AGBL1: variants seen among roughly 807,000 people sequenced by gnomAD.
The protein encoded by AGBL1 is cytosolic carboxypeptidase 4.
A neutral mutation model predicts 118.9 loss-of-function variants in AGBL1; 130 were observed. That is an observed-to-expected ratio of 1.09 (90% CI 0.95 to 1.26). The LOEUF (loss-of-function observed/expected upper bound fraction) is 1.26, where lower values mean the gene tolerates loss of function less well. Ranked by LOEUF, AGBL1 falls within the 50% of genes most tolerant of loss-of-function variation. The probability of loss-of-function intolerance (pLI) is 0.00; values close to 1 mark genes in which losing one functional copy is unlikely to be tolerated. For synonymous variants in AGBL1, 555 were observed against 478.9 expected, an observed-to-expected ratio of 1.16 and a Z score of -2.08; for missense variants, 1,584 against 1,298.1, an observed-to-expected ratio of 1.22 and a Z score of -3.38.
At chr15:86,956,217 T>TTAGATAGATAGATAGATAGA (rs57241299) in intron 23 of AGBL1, among the ~76,000 whole-genome samples, 1 of 147,594 alleles carries the variant, frequency 6.8e-6, no homozygotes, top group Admixed American at 6.8e-5. Context: ...AGATGATTGA[T>TTAGATAGATAGATAGATAGA]TAGATAGATA....
intron 21 of AGBL1, among the ~76,000 whole-genome samples, chr15:86,582,671 C>T (rs2084186700): frequency 6.6e-6 from 1 of 152,128 alleles, no homozygotes; most frequent in Non-Finnish European, 1.5e-5. Flanking sequence ...CCATGGAATA[C>T]TATGCAGCCA....
chr15:86,163,208 G>A (rs1007417526), intron 5 of AGBL1, among the ~76,000 whole-genome samples: 2 of 152,196 alleles, frequency 1.3e-5, no homozygotes, highest in East Asian at 1.9e-4. Context: ...AGGCAAAGGC[G>A]GGAGGACCGC....
At chr15:86,846,411 T>C (rs903021672) in intron 22 of AGBL1, among the ~76,000 whole-genome samples, 1 of 152,234 alleles carries the variant, frequency 6.6e-6, no homozygotes, top group Non-Finnish European at 1.5e-5. Flanking sequence ...TAAGGAGAAA[T>C]TCTACTTGTG....
chr15:86,998,815 C>G (rs117896671), intron 24 of AGBL1, among the ~76,000 whole-genome samples: 5,199 of 152,104 alleles, frequency 0.034, 126 homozygotes, highest in Middle Eastern at 0.068. Context: ...TCAACCTGCC[C>G]AAGGTGACAT....
chr15:86,256,408 A>C (rs181056951), intron 7 of AGBL1, among the ~76,000 whole-genome samples: 2 of 152,346 alleles, frequency 1.3e-5, no homozygotes, highest in East Asian at 1.9e-4. Context: ...CACAGAAGAC[A>C]GCTGAAAGAG....
At chr15:86,100,054 G>A (rs1896620661) in intron 1 of AGBL1, among the ~76,000 whole-genome samples, 1 of 151,658 alleles carries the variant, frequency 6.6e-6, no homozygotes, top group Non-Finnish European at 1.5e-5. Context: ...AAGGAATGTT[G>A]AATTTTATCA....
chr15:86,382,049 T>C (rs1351004499), intron 17 of AGBL1, among the ~76,000 whole-genome samples: 1 of 152,152 alleles, frequency 6.6e-6, no homozygotes, highest in Non-Finnish European at 1.5e-5. Flanking sequence ...ACCTCTGTGA[T>C]GTAGATGTCT....
At chr15:86,357,230 A>C (rs1337697572) in intron 17 of AGBL1, among the ~76,000 whole-genome samples, 2 of 152,360 alleles carry the variant, frequency 1.3e-5, no homozygotes, top group East Asian at 3.9e-4. Flanking sequence ...ACAGGAAAAC[A>C]GATTTCAACC....
intron 21 of AGBL1, among the ~76,000 whole-genome samples, chr15:86,640,948 A>C (rs957884928): frequency 3.1e-5 from 4 of 129,374 alleles, no homozygotes; most frequent in Non-Finnish European, 6.5e-5. Context: ...TTTTGTTTTT[A>C]TTTTTTAATT....
At position 86,841,475 on chromosome 15, in the gene AGBL1, T is replaced by C. The variant is rs146312085; in HGVS notation, c.3159-65612T>C. 1.9e-3 allele frequency among the ~76,000 whole-genome samples: 287 copies of C among 152,324 alleles called. 1 individual carries two copies. The highest frequency in any genetic ancestry group is 2.8e-3 in the Non-Finnish European group (188 of 68,012). On this transcript the variant is annotated intron_variant, in intron 22 of 22. Transcript: ENST00000614907. ...AGACCTATGAATGTTTTTTAATTTA[T>C]TTTTTAATTTACTTTTAATCAATCT...
chr15:86,505,418 T>C (rs1032818045), intron 18 of AGBL1, among the ~76,000 whole-genome samples: 5 of 151,904 alleles, frequency 3.3e-5, no homozygotes, highest in Non-Finnish European at 7.4e-5. Flanking sequence ...GTTGGTATGC[T>C]TGATGGTGTC....
intron 21 of AGBL1, among the ~76,000 whole-genome samples, chr15:86,567,801 A>C (rs891656069): frequency 6.6e-6 from 1 of 151,946 alleles, no homozygotes; most frequent in Non-Finnish European, 1.5e-5. Flanking sequence ...GAAAGTCTGA[A>C]CTCTGTGTCC....
At chr15:86,101,887 G>C (rs1896744465) in intron 1 of AGBL1, among the ~76,000 whole-genome samples, 1 of 152,092 alleles carries the variant, frequency 6.6e-6, no homozygotes, top group Admixed American at 6.5e-5. Flanking sequence ...TTATTGATAT[G>C]TGAGGGCTTA....
intron 18 of AGBL1, among the ~76,000 whole-genome samples, chr15:86,511,741 T>C (rs149880886): frequency 5.9e-4 from 90 of 152,110 alleles, no homozygotes; most frequent in African/African-American, 2.0e-3. Context: ...ATGATGATGA[T>C]GATTGAGATA....
chr15:86,999,003 C>A (rs146748147), intron 24 of AGBL1, among the ~76,000 whole-genome samples: 426 of 150,978 alleles, frequency 2.8e-3, no homozygotes, highest in Non-Finnish European at 5.3e-3. Context: ...CTAATGCTAT[C>A]CCTTCCCCCA....
At chr15:86,150,041 G>A (rs1458818839) in intron 3 of AGBL1, among the ~76,000 whole-genome samples, 2 of 152,130 alleles carry the variant, frequency 1.3e-5, no homozygotes, top group African/African-American at 2.4e-5. Flanking sequence ...GGTACATAAC[G>A]AAATGAAGGC....
Position 86,705,250 on chromosome 15 carries a change from C to A in AGBL1, c.3158+30814C>A, listed in dbSNP as rs983451648. ...GCAAACCACCATGGCACATGTATAC[C>A]TGTATAACAAACATGCATGTTCTGC... On this transcript the variant is annotated intron_variant, in intron 22 of 22. Transcript: ENST00000614907. Among the ~76,000 whole-genome samples, 118 of 152,102 alleles carry A rather than the reference C, an allele frequency of 7.8e-4. 1 individual carries two copies. Among genetic ancestry groups the A allele is most frequent in the Non-Finnish European group, 5.9e-5 (4 of 68,018 alleles).
At chr15:86,837,826 C>T (rs1271579954) in intron 22 of AGBL1, among the ~76,000 whole-genome samples, 1 of 152,182 alleles carries the variant, frequency 6.6e-6, no homozygotes, top group Non-Finnish European at 1.5e-5. Context: ...AGTTTACTGG[C>T]TGAAGACCAA....
At chr15:86,858,645 C>G (rs1374852745) in intron 22 of AGBL1, among the ~76,000 whole-genome samples, 1 of 152,194 alleles carries the variant, frequency 6.6e-6, no homozygotes, top group East Asian at 1.9e-4. Context: ...CCCTTGCTCT[C>G]TAAGAGCTTA....
Sources: allele counts gnomAD v4.1 joint callset (sites outside exome capture counted in the v4.1 genomes callset), GRCh38; gene constraint gnomAD v4.1.1; transcripts MANE v1.5; gene names NCBI Gene and HGNC (gene_info 2026-07-23, HGNC 2026-07-21).